Variants in ZC3H12B observed in about 807,000 individuals in gnomAD.
ZC3H12B encodes zinc finger CCCH-type containing 12B.
ZC3H12B carries 7 observed loss-of-function variants against 43.9 expected under a neutral mutation model. The observed-to-expected ratio is 0.16, with a 90% CI of 0.09 to 0.30. ZC3H12B has a LOEUF of 0.30. ZC3H12B is among the 10% of genes least tolerant of loss of function. The pLI is 1.00. For synonymous variants in ZC3H12B, 222 were observed against 241.7 expected, an observed-to-expected ratio of 0.92 and a Z score of 0.76; for missense variants, 475 against 670.2, an observed-to-expected ratio of 0.71 and a Z score of 3.22.
chrX:65,462,663 T>A (rs1286430371), intron 3 of ZC3H12B, among the ~76,000 whole-genome samples: 1 of 112,024 alleles, frequency 8.9e-6, no homozygotes, highest in Non-Finnish European at 1.9e-5. Context: ...TACACACTGT[T>A]GGTGGGAATG....
chrX:65,273,239 G>A, the ZC3H12B span, among the ~76,000 whole-genome samples: 1 of 111,954 alleles, frequency 8.9e-6, no homozygotes, highest in East Asian at 2.8e-4. Context: ...AAGAAATGTA[G>A]CAAACAGTTC....
the ZC3H12B span, among the ~76,000 whole-genome samples, chrX:65,232,130 A>G: frequency 1.8e-5 from 2 of 110,579 alleles, no homozygotes; most frequent in African/African-American, 6.6e-5. Flanking sequence ...AGTCCCAGCT[A>G]CTTGGGAGGC....
At chrX:65,250,506 T>C in the ZC3H12B span, among the ~76,000 whole-genome samples, 4 of 111,837 alleles carry the variant, frequency 3.6e-5, no homozygotes, top group Non-Finnish European at 7.5e-5. Context: ...CTTGAGGAAT[T>C]GCCACACTGC....
chrX:65,146,989 G>C, the ZC3H12B span, among the ~76,000 whole-genome samples: 1 of 111,888 alleles, frequency 8.9e-6, no homozygotes, highest in Non-Finnish European at 1.9e-5. Flanking sequence ...ATGCCACTCT[G>C]TCCATCCGAG....
At chrX:65,477,305 G>C (rs907652861) in intron 3 of ZC3H12B, among the ~76,000 whole-genome samples, 1 of 110,010 alleles carries the variant, frequency 9.1e-6, no homozygotes, top group Admixed American at 9.8e-5. Flanking sequence ...CCATCATTTG[G>C]TGTGGTACTG....
At chrX:65,168,754 G>A in the ZC3H12B span, among the ~76,000 whole-genome samples, 1 of 110,971 alleles carries the variant, frequency 9.0e-6, no homozygotes, top group Non-Finnish European at 1.9e-5. Context: ...CAACTTCTTC[G>A]TGGTTTAGTC....
the ZC3H12B span, among the ~76,000 whole-genome samples, chrX:65,081,819 G>A: frequency 8.9e-6 from 1 of 111,883 alleles, no homozygotes; most frequent in Non-Finnish European, 1.9e-5. Context: ...TCCAATAGCT[G>A]CAGAATACAC....
chrX:65,132,826 C>T, the ZC3H12B span, among the ~76,000 whole-genome samples: 1 of 110,731 alleles, frequency 9.0e-6, no homozygotes, highest in Non-Finnish European at 1.9e-5. Flanking sequence ...ACGGACTTAC[C>T]CTCCACTGTA....
At chrX:65,110,607 A>G in the ZC3H12B span, among the ~76,000 whole-genome samples, 1 of 111,475 alleles carries the variant, frequency 9.0e-6, no homozygotes, top group African/African-American at 3.2e-5. Context: ...CTGTTCCACT[A>G]GCCTGTCTAT....
chrX:65,267,922 C>T, the ZC3H12B span, among the ~76,000 whole-genome samples: 6 of 111,018 alleles, frequency 5.4e-5, no homozygotes, highest in Admixed American at 5.7e-4. Flanking sequence ...TAATAAAGAT[C>T]AGAACAGAGC....
At chrX:65,379,716 T>C (rs755094271) in intron 2 of ZC3H12B, among the ~76,000 whole-genome samples, 1 of 111,442 alleles carries the variant, frequency 9.0e-6, no homozygotes, top group Admixed American at 9.5e-5. Flanking sequence ...TGAAAAAAAT[T>C]TAGACGAATG....
At chrX:65,364,007 G>A (rs1381105492), upstream of ZC3H12B, among the ~76,000 whole-genome samples, 2 of 110,694 alleles carry the variant, frequency 1.8e-5, no homozygotes, top group African/African-American at 6.6e-5. Context: ...CCCCATGACT[G>A]TATCTCTCTG....
At chrX:65,184,445 A>G in the ZC3H12B span, among the ~76,000 whole-genome samples, 8 of 111,449 alleles carry the variant, frequency 7.2e-5, no homozygotes, top group Non-Finnish European at 1.1e-4. Context: ...CTGCTAGATA[A>G]TAGATCTCAA....
chrX:65,260,495 A>G, the ZC3H12B span, among the ~76,000 whole-genome samples: 3 of 111,293 alleles, frequency 2.7e-5, no homozygotes, highest in Admixed American at 1.9e-4. Flanking sequence ...TGTCAAAATA[A>G]CCTGCACATC....
chrX:65,356,482 C>A, the ZC3H12B span, among the ~76,000 whole-genome samples: 9 of 111,921 alleles, frequency 8.0e-5, no homozygotes, highest in South Asian at 3.4e-3. Context: ...TCACTGAATA[C>A]AATGGTCTTG....
chrX:65,483,734 C>T (rs2068091614), intron 3 of ZC3H12B, among the ~76,000 whole-genome samples: 1 of 111,860 alleles, frequency 8.9e-6, no homozygotes, highest in Non-Finnish European at 1.9e-5. Context: ...ATTTTATTTG[C>T]CATTTTTAAA....
At chrX:65,129,511 G>A in the ZC3H12B span, among the ~76,000 whole-genome samples, 1 of 109,505 alleles carries the variant, frequency 9.1e-6, no homozygotes, top group South Asian at 3.9e-4. Flanking sequence ...GTCACAAGGT[G>A]CTCAGTGGGG....
In ZC3H12B at chrX:65,392,457, G is replaced by A. The variant is rs948975357; in HGVS notation, n.296-6136G>A. ...TGAGGAGCCCCTCCGCCCGGCAGCC[G>A]TCCCGTCTGGGAAGTGAGGAGTGTC... is the stretch of plus-strand genomic sequence containing the variant. On this transcript the variant is annotated intron_variant and non_coding_transcript_variant, in intron 2 of 5. Coordinates refer to the ZC3H12B transcript ENST00000617377. Among the ~76,000 whole-genome samples, 9 of 96,098 alleles carry A rather than the reference G, an allele frequency of 9.4e-5. No homozygotes were observed. The East Asian group carries it at 1.0e-3, about 11-fold the overall frequency. 83.4% of individuals were successfully genotyped at this position (96,098 alleles called of 115,157 possible).
chrX:65,315,907 A>G, the ZC3H12B span, among the ~76,000 whole-genome samples: 1 of 111,905 alleles, frequency 8.9e-6, no homozygotes, highest in Non-Finnish European at 1.9e-5. Context: ...ACCCAATCCA[A>G]TGAACTTAAG....
Sources: allele counts gnomAD v4.1 joint callset (sites outside exome capture counted in the v4.1 genomes callset), GRCh38; gene constraint gnomAD v4.1.1; transcripts MANE v1.5; gene names NCBI Gene and HGNC (gene_info 2026-07-23, HGNC 2026-07-21).